SDHC: variants seen among roughly 807,000 people sequenced by gnomAD.
SDHC encodes the protein succinate dehydrogenase cytochrome b560 subunit, mitochondrial.
A neutral mutation model predicts 22.6 loss-of-function variants in SDHC; 11 were observed. The ratio of observed to expected loss-of-function variants is 0.49; its 90% CI spans 0.31 to 0.81. The LOEUF (loss-of-function observed/expected upper bound fraction) is 0.81. Ranked by LOEUF, SDHC falls within the 30% of genes least tolerant of loss-of-function variation. The pLI is 0.05. For missense variants in SDHC, 160 were observed against 212.0 expected, an observed-to-expected ratio of 0.75 and a Z score of 1.52; for synonymous variants, 80 against 77.8, an observed-to-expected ratio of 1.03 and a Z score of -0.15.
chr1:161,327,043 GCCTC>G (rs1362820961), intron 2 of SDHC, among the ~76,000 whole-genome samples: 1 of 152,128 alleles, frequency 6.6e-6, no homozygotes, highest in Non-Finnish European at 1.5e-5. Context: ...TCCCACCTCA[GCCTC>G]CCGAGTAACT....
intron 3 of SDHC, among the ~76,000 whole-genome samples, chr1:161,337,331 T>C (rs1267075102): frequency 6.6e-6 from 1 of 152,208 alleles, no homozygotes. Context: ...CACTCACATG[T>C]CTTGGAGTTG....
intron 4 of SDHC, among the ~76,000 whole-genome samples, chr1:161,341,160 T>G (rs990720576): frequency 6.6e-6 from 1 of 152,180 alleles, no homozygotes; most frequent in Non-Finnish European, 1.5e-5. Context: ...TCTTAGCAAA[T>G]TTTTAAACCA....
chr1:161,343,243 C>T (rs1348769354), intron 4 of SDHC, among the ~76,000 whole-genome samples: 4 of 152,110 alleles, frequency 2.6e-5, no homozygotes, highest in Admixed American at 1.3e-4. Flanking sequence ...TTTTAACTGA[C>T]GTGGTCATCA....
intron 1 of SDHC, among the ~76,000 whole-genome samples, chr1:161,318,203 T>C (rs143742441): frequency 1.3e-5 from 2 of 152,114 alleles, no homozygotes; most frequent in Non-Finnish European, 2.9e-5. Flanking sequence ...TGTTATACAA[T>C]AGATCTCTTG....
intron 1 of SDHC, among the ~76,000 whole-genome samples, chr1:161,319,222 A>AAAATAAATAAAT (rs35327704): frequency 6.6e-5 from 10 of 150,874 alleles, no homozygotes; most frequent in South Asian, 2.1e-4. Context: ...ACTCTGTCTT[A>AAAATAAATAAAT]AAATAAATAA....
At chr1:161,319,677 C>A (rs1420559565) in intron 1 of SDHC, among the ~76,000 whole-genome samples, 2 of 152,104 alleles carry the variant, frequency 1.3e-5, no homozygotes, top group Non-Finnish European at 2.9e-5. Context: ...AACCTCCTGA[C>A]CTCAAGTGAC....
In SDHC at chr1:161,362,741, G is replaced by C; in HGVS notation, c.*308G>C. On this transcript the variant is annotated 3_prime_UTR_variant, in exon 6 of 6. Transcript: ENST00000367975. ...GGGCTTTGATTTGTGCTGAGGGTCA[G>C]CTTTTGGCTCCTTCTTCCTGAGACA... 1 of 565,112 alleles carries C rather than the reference G, an allele frequency of 1.8e-6. No homozygotes were observed. Among genetic ancestry groups the C allele is most frequent in the East Asian group, 3.0e-5 (1 of 33,324 alleles). 35.0% of individuals were successfully genotyped at this position (565,112 alleles called of 1,614,324 possible). A position where few individuals can be genotyped will look rare whatever the true frequency, so the allele number is the denominator to read the frequency against.
Position 161,323,667 on chromosome 1 carries a change from G to C in SDHC, c.74G>C (p.Arg25Thr). 1 of 1,609,576 alleles carries C rather than the reference G, an allele frequency of 6.2e-7. No homozygotes were observed. The highest frequency in any genetic ancestry group is 8.5e-7 in the Non-Finnish European group (1 of 1,176,720). The change falls in exon 2 of 6, where the codon AGA becomes ACA. Residue 25 changes from arginine to threonine, a missense_variant. Around this residue, in one of 2 missense-constraint regions of SDHC, gnomAD observed 86 missense variants for 83.4 expected, o/e 1.03. Coordinates refer to ENST00000367975, the MANE Select transcript of SDHC (RefSeq NM_003001.5). ...CACTTTAGCCCTCAGCTCTGTATCA[G>C]AAAGTAAGTTTCTAAGTCTGGAGAT... ...RAHFSPQLCI[R>T]NAVPLGTTAK... is the part of the protein sequence containing the mutation.
chr1:161,343,868 A>C (rs1373704431), intron 4 of SDHC, among the ~76,000 whole-genome samples: 4 of 152,212 alleles, frequency 2.6e-5, no homozygotes, highest in Non-Finnish European at 4.4e-5. Flanking sequence ...ATAATGATAA[A>C]AAAATATTCA....
chr1:161,331,722 A>C (rs1671282434), intron 3 of SDHC, among the ~76,000 whole-genome samples: 1 of 151,600 alleles, frequency 6.6e-6, no homozygotes, highest in Non-Finnish European at 1.5e-5. Context: ...CAGCCTCCCA[A>C]GTAGCTGGGA....
chr1:161,318,537 C>T (rs905215136), intron 1 of SDHC, among the ~76,000 whole-genome samples: 15 of 152,152 alleles, frequency 9.9e-5, no homozygotes, highest in African/African-American at 2.9e-4. Context: ...GCTCCTTAAA[C>T]ACAAAGTCAC....
chr1:161,330,481 A>C (rs541382470), intron 3 of SDHC, among the ~76,000 whole-genome samples: 145 of 152,362 alleles, frequency 9.5e-4, no homozygotes, highest in African/African-American at 3.4e-3. Context: ...TTTGATTTCA[A>C]GGCCTGAGAA....
chr1:161,317,939 TGAG>T (rs1456926599), intron 1 of SDHC, among the ~76,000 whole-genome samples: 1 of 151,810 alleles, frequency 6.6e-6, no homozygotes, highest in Non-Finnish European at 1.5e-5. Context: ...TTTGGGAGGC[TGAG>T]GCTGTCAGAT....
chr1:161,314,757 C>T (rs1353844755), intron 1 of SDHC: 5 of 394,390 alleles, frequency 1.3e-5, no homozygotes, highest in Non-Finnish European at 2.3e-5. Context: ...ACTTCAAGGT[C>T]AGCCACCCAT....
intron 1 of SDHC, among the ~76,000 whole-genome samples, chr1:161,317,736 T>A (rs1031008501): frequency 6.6e-6 from 1 of 151,180 alleles, no homozygotes; most frequent in East Asian, 2.0e-4. Flanking sequence ...TAATTTTGTA[T>A]TTTTAGTAGA....
intron 4 of SDHC, among the ~76,000 whole-genome samples, chr1:161,352,074 CA>C (rs1672116751): frequency 6.6e-6 from 1 of 152,182 alleles, no homozygotes; most frequent in African/African-American, 2.4e-5. Flanking sequence ...AGGACAGCTT[CA>C]GTGGCTTTAT....
intron 4 of SDHC, among the ~76,000 whole-genome samples, chr1:161,355,662 C>A (rs1672242863): frequency 1.3e-5 from 2 of 152,038 alleles, no homozygotes; most frequent in Admixed American, 1.3e-4. Flanking sequence ...TTTTTCCTCT[C>A]TTCAGAGGTA....
intron 2 of SDHC, among the ~76,000 whole-genome samples, chr1:161,326,259 G>A (rs116214596): frequency 0.02 from 3,044 of 151,786 alleles, 93 homozygotes; most frequent in African/African-American, 0.07. Context: ...GATGATTCAG[G>A]TTAACTGAAT....
Position 161,362,537 on chromosome 1 carries a change from T to A in SDHC, c.*104T>A. 1 of 1,608,718 alleles carries A rather than the reference T, an allele frequency of 6.2e-7. No individual in the cohort carries two copies. The highest frequency in any genetic ancestry group is 8.5e-7 in the Non-Finnish European group (1 of 1,177,740). ...CCTGGGAAAAGTTCTCCTTATTTGT[T>A]TAGATCCTTTTGTATTTTCAGATCT... is the stretch of plus-strand genomic sequence containing the variant. On this transcript the variant is annotated 3_prime_UTR_variant, in exon 6 of 6. Transcript: ENST00000367975.
Sources: gnomAD v4.1 joint callset for allele counts (sites outside exome capture counted in the v4.1 genomes callset) on GRCh38, gnomAD v4.1.1 for gene constraint, gnomAD v4.1.1 regional missense constraint, MANE v1.5 for transcripts, NCBI Gene and HGNC (gene_info 2026-07-23, HGNC 2026-07-21) for gene names.